Variants in FHOD1 observed in about 807,000 individuals in gnomAD.
FHOD1 encodes the protein formin homology 2 domain containing 1, also known as FH1/FH2 domain-containing protein 1.
A neutral mutation model predicts 111.6 loss-of-function variants in FHOD1; 89 were observed. The ratio of observed to expected loss-of-function variants is 0.80; its 90% confidence interval spans 0.67 to 0.95. FHOD1 has a LOEUF of 0.95. Among genes scored for constraint, FHOD1 ranks in the 40% least tolerant of loss-of-function variants. The pLI is 0.00. For synonymous variants in FHOD1, 618 were observed against 639.0 expected (o/e 0.97, Z 0.50); for missense variants, 1,446 against 1,554.2 (o/e 0.93, Z 1.17).
rs1163185613 is a variant in FHOD1 at position 67,231,674 on chromosome 16, A to C, written c.2348T>G (p.Leu783Arg). Reference protein sequence around the residue: ...SIGGLAARLQLWAFKLDYDSM... With the variant: ...SIGGLAARLQRWAFKLDYDSM... ...GTCATAGTCCAGCTTGAAGGCCCAG[A>C]GTTGTAGACGAGCAGCGAGGCCGCC... The change falls in exon 15 of 22, where the codon CTC becomes CGC. Residue 783 changes from leucine (L) to arginine (R), a missense_variant. Physicochemically the swap from Leu to Arg is moderately radical, Grantham distance 102 (BLOSUM62 -2). Transcript: ENST00000258201. This position sits in a 1 kb window ranked among gnomAD's most constrained non-coding sequence, Gnocchi z 4.3. 2 of 1,614,118 alleles carry C rather than the reference A, an allele frequency of 1.2e-6. No individual in the cohort carries two copies. Among genetic ancestry groups the C allele is most frequent in the African/African-American group, 1.3e-5 (1 of 75,012 alleles).
intron 11 of FHOD1, chr16:67,234,726 A>C: frequency 6.5e-6 from 3 of 463,594 alleles, no homozygotes; most frequent in African/African-American, 2.0e-5. Flanking sequence ...TTAACATCTA[A>C]CTTGCAACCT....
Position 67,231,745 on chromosome 16 carries a change from T to C in FHOD1, c.2277A>G (p.Ile759Met), listed in dbSNP as rs763379100. 3 of 1,613,654 alleles carry C rather than the reference T, an allele frequency of 1.9e-6. No homozygotes were observed. The highest frequency in any genetic ancestry group is 2.5e-6 in the Non-Finnish European group (3 of 1,179,896). ...IEEAQLANPD[I>M]PLGPAENFLM... is the part of the protein sequence containing the mutation. ...GGAAGTTCTCGGCTGGGCCCAGGGG[T>C]ATGTCAGGGTTGGCCAGCTGGGCTT... The change falls in exon 15 of 22, where the codon ATA becomes ATG. Residue 759 changes from isoleucine (I) to methionine (M), a missense_variant. Ile to Met is a conservative substitution (Grantham distance 10). Around this residue, in one of 3 missense-constraint regions of FHOD1, gnomAD observed 1,085 missense variants for 1,108.8 expected, o/e 0.98. Coordinates refer to ENST00000258201, the MANE Select transcript of FHOD1 (RefSeq NM_013241.3). This position sits in a 1 kb window ranked among gnomAD's most constrained non-coding sequence, Gnocchi z 4.3.
Position 67,238,278 on chromosome 16 carries a change from C to T in FHOD1, c.471G>A (p.Val157=). 1 of 1,614,178 alleles carries T rather than the reference C, an allele frequency of 6.2e-7. No individual in the cohort carries two copies. Among genetic ancestry groups the T allele is most frequent in the South Asian group, 1.1e-5 (1 of 91,080 alleles). Residue 157 remains valine, a synonymous_variant, in exon 5 of 22, where the codon GTG becomes GTA. Transcript: ENST00000258201. The surrounding 1 kb of genome is among the most constrained non-coding windows in gnomAD (Gnocchi z 4.2). ...QEDKDLVPEF[V]HSEGLSCLIR... The stretch of plus-strand genomic sequence containing the variant: ...TCAGGCAGCTCAGCCCCTCTGAATG[C>T]ACAAATTCAGGCACCAGGTCTTTGT...
chr16:67,233,027 G>A (rs1468143829), intron 13 of FHOD1, among the ~76,000 whole-genome samples: 2 of 151,900 alleles, frequency 1.3e-5, no homozygotes. Flanking sequence ...AAAGTGCTGG[G>A]ATTACAGGGG....
In FHOD1 at chr16:67,231,360, C is replaced by T; in HGVS notation, c.2506-11G>A. 1 of 1,614,128 alleles carries T rather than the reference C, an allele frequency of 6.2e-7. No individual in the cohort carries two copies. Among genetic ancestry groups the T allele is most frequent in the Non-Finnish European group, 8.5e-7 (1 of 1,180,008 alleles). ...CTCAAAGCCGCTGCTCTGAAAGGAC[C>T]CTTTCTGAGCCTGGGCCTGGTTGGC... On this transcript the variant is annotated splice_polypyrimidine_tract_variant and intron_variant, in intron 16 of 21. Coordinates refer to ENST00000258201, the MANE Select transcript of FHOD1 (RefSeq NM_013241.3). This position sits in a 1 kb window ranked among gnomAD's most constrained non-coding sequence, Gnocchi z 4.3.
intron 1 of FHOD1, among the ~76,000 whole-genome samples, chr16:67,245,815 C>G (rs2034799753): frequency 6.6e-6 from 1 of 151,894 alleles, no homozygotes; most frequent in South Asian, 2.1e-4. Flanking sequence ...GAGAGGAATA[C>G]AATATATTCT....
Position 67,234,099 on chromosome 16 carries a change from C to A in FHOD1, c.1604G>T (p.Arg535Leu). 1 of 1,598,414 alleles carries A rather than the reference C, an allele frequency of 6.3e-7. No individual in the cohort carries two copies. The highest frequency in any genetic ancestry group is 8.5e-7 in the Non-Finnish European group (1 of 1,169,740). The change falls in exon 13 of 22, where the codon CGT (arginine) becomes CTT (leucine). Residue 535 changes from arginine to leucine, a missense_variant. Arg to Leu is a moderately radical substitution (Grantham distance 102, BLOSUM62 -2). This residue lies in a region of FHOD1 where 1,085 missense variants were observed against 1,108.8 expected (regional missense o/e 0.98). Transcript: ENST00000258201. Reference protein sequence around the residue: ...KAEPIWELPTRAPRLSIGDLD... With the variant: ...KAEPIWELPTLAPRLSIGDLD... Reference sequence around the variant, plus strand: ...GTCCCCAATAGAGAGCCTGGGTGCACGGGTAGGGAGCTCCCAGATGGGCTC... The same window carrying A: ...GTCCCCAATAGAGAGCCTGGGTGCAAGGGTAGGGAGCTCCCAGATGGGCTC...
rs1435580925 is a variant in FHOD1, at chr16:67,236,828, T to C, written c.1143-95A>G. 16 of 1,133,796 alleles carry C rather than the reference T, an allele frequency of 1.4e-5. No homozygotes were observed. In the African/African-American group the frequency reaches 3.3e-4, roughly 23 times the overall value. The allele number at this position is 1,133,796 out of a possible 1,614,324, so 70.2% of individuals were successfully genotyped here. ...CCTGCGGGGCGGGAGGTGGGGCATG[T>C]CGGTAGGGCAGGCCCAGTGGAGGAG... is the stretch of plus-strand genomic sequence containing the variant. On this transcript the variant is annotated intron_variant, in intron 10 of 21. Coordinates refer to ENST00000258201, the MANE Select transcript of FHOD1 (RefSeq NM_013241.3).
rs1177575362 is a variant in FHOD1 at position 67,229,456 on chromosome 16, A to G, written c.*180T>C. On this transcript the variant is annotated 3_prime_UTR_variant, in exon 22 of 22. Transcript: ENST00000258201. ...GGAGCTCACACACATGCACATGCAT[A>G]TGCATGCACACACACACATACACAC... 10 of 629,394 alleles carry G rather than the reference A, an allele frequency of 1.6e-5. No homozygotes were observed. The Admixed American group carries it at 2.3e-4, about 14-fold the overall frequency. The allele number at this position is 629,394 out of a possible 1,614,324, so 39.0% of individuals were successfully genotyped here. A position where few individuals can be genotyped will look rare whatever the true frequency, so the allele number is the denominator to read the frequency against.
intron 1 of FHOD1, among the ~76,000 whole-genome samples, chr16:67,245,847 A>G (rs1020821018): frequency 5.9e-5 from 9 of 152,050 alleles, no homozygotes; most frequent in African/African-American, 1.9e-4. Flanking sequence ...CCCTTATTTC[A>G]GGATCCGGAC....
chr16:67,238,659 C>G lies in FHOD1; in HGVS notation c.374-212G>C. The G allele has an allele frequency of 1.5e-6, 1 of 663,388 alleles. No homozygotes were observed. Among genetic ancestry groups the G allele is most frequent in the Non-Finnish European group, 2.7e-6 (1 of 375,484 alleles). 41.1% of individuals were successfully genotyped at this position (663,388 alleles called of 1,614,324 possible). On this transcript the variant is annotated intron_variant, in intron 3 of 21. Transcript: ENST00000258201. The surrounding 1 kb of genome is among the most constrained non-coding windows in gnomAD (Gnocchi z 4.2). Reference sequence around the variant, plus strand: ...CTCAAACTCCTAGCCTCAAGCAATTCTCCCACCTTGACCTCTCAAAGCACT... The same window carrying G: ...CTCAAACTCCTAGCCTCAAGCAATTGTCCCACCTTGACCTCTCAAAGCACT...
chr16:67,239,012 G>A (rs761808932), intron 2 of FHOD1, 45 bp from the exon 3 acceptor site: 93 of 1,594,888 alleles, frequency 5.8e-5, no homozygotes, highest in Non-Finnish European at 7.7e-5. Context: ...CTATCCCTCA[G>A]CATTCCTCCC....
intron 1 of FHOD1, among the ~76,000 whole-genome samples, chr16:67,245,238 A>C (rs1427580093): frequency 6.6e-6 from 1 of 152,182 alleles, no homozygotes; most frequent in East Asian, 1.9e-4. Context: ...GAGAACATGA[A>C]ATCGGGGAGA....
chr16:67,237,859 C>A lies in FHOD1; in HGVS notation c.643-91G>T. The A allele has an allele frequency of 7.2e-7, 1 of 1,393,550 alleles. No homozygotes were observed. The highest frequency in any genetic ancestry group is 1.4e-5 in the African/African-American group (1 of 70,516). The allele number at this position is 1,393,550 out of a possible 1,614,324, so 86.3% of individuals were successfully genotyped here. On this transcript the variant is annotated intron_variant, in intron 6 of 21. Coordinates refer to ENST00000258201, the MANE Select transcript of FHOD1 (RefSeq NM_013241.3). This position sits in a 1 kb window ranked among gnomAD's most constrained non-coding sequence, Gnocchi z 5.6. ...AAGGGGAAGGGCTGCTGGGGCTGGA[C>A]CCAGAGAGAATCTAGGCAGAATGAC... is the stretch of plus-strand genomic sequence containing the variant.
chr16:67,232,945 CG>C (rs1567385798), intron 13 of FHOD1, among the ~76,000 whole-genome samples: 4 of 151,536 alleles, frequency 2.6e-5, no homozygotes. Flanking sequence ...TTAGTAGAGA[CG>C]GGGTTTCACC....
Position 67,229,625 on chromosome 16 carries a change from A to T in FHOD1, c.*11T>A. 1 of 1,613,136 alleles carries T rather than the reference A, an allele frequency of 6.2e-7. No individual in the cohort carries two copies. The highest frequency in any genetic ancestry group is 8.5e-7 in the Non-Finnish European group (1 of 1,179,132). On this transcript the variant is annotated 3_prime_UTR_variant, in exon 22 of 22. Transcript: ENST00000258201. Reference sequence around the variant, plus strand: ...TCCAGGGTCCAGATAGATTTCCGGGATACAGCACCTTCACACCTCCAGGCC... The same window carrying T: ...TCCAGGGTCCAGATAGATTTCCGGGTTACAGCACCTTCACACCTCCAGGCC...
chr16:67,234,285 G>T lies in FHOD1; in HGVS notation c.1436-18C>A. On this transcript the variant is annotated intron_variant, in intron 12 of 21. Transcript: ENST00000258201. ...CCGGGCATCTAAAGAAAGGGAAGGA[G>T]CTGTCAGTGCCATGCCCCCTGTGGG... is the stretch of plus-strand genomic sequence containing the variant. 6.3e-7 allele frequency: 1 copy of T among 1,583,082 alleles called. No homozygotes were observed. The highest frequency in any genetic ancestry group is 8.6e-7 in the Non-Finnish European group (1 of 1,160,956).
chr16:67,231,101 A>C lies in FHOD1; in HGVS notation c.2667+87T>G. On this transcript the variant is annotated intron_variant, in intron 17 of 21. Transcript: ENST00000258201. This position sits in a 1 kb window ranked among gnomAD's most constrained non-coding sequence, Gnocchi z 4.3. ...GGAGCAAGCCCTGGCACAGCAGCCCAAATGGGGAGAAGGGGGAGGAGCCAG... is the reference window on the plus strand; with the variant it reads ...GGAGCAAGCCCTGGCACAGCAGCCCCAATGGGGAGAAGGGGGAGGAGCCAG... 3 of 1,539,912 alleles carry C rather than the reference A, an allele frequency of 1.9e-6. No individual in the cohort carries two copies. The highest frequency in any genetic ancestry group is 2.6e-6 in the Non-Finnish European group (3 of 1,132,910).
rs1215538499 is a variant in FHOD1, at chr16:67,230,140, G to C, written c.3140C>G (p.Ala1047Gly). 5.0e-6 allele frequency: 8 copies of C among 1,614,234 alleles called. No homozygotes were observed. The highest frequency in any genetic ancestry group is 6.8e-6 in the Non-Finnish European group (8 of 1,180,032). The stretch of plus-strand genomic sequence containing the variant: ...ACTCTTCATACTAGCATGACTGTCA[G>C]CATCTCCCCGGCCTGGCCCGCTGCT... ...AVSSGPGRGD[A>G]DSHASMKSLL... is the part of the protein sequence containing the mutation. The change falls in exon 20 of 22, where the codon GCT becomes GGT. Residue 1047 changes from alanine (A) to glycine (G), a missense_variant. Coordinates refer to ENST00000258201, the MANE Select transcript of FHOD1 (RefSeq NM_013241.3).
Sources: gnomAD v4.1 joint callset for allele counts (sites outside exome capture counted in the v4.1 genomes callset) on GRCh38, gnomAD v4.1.1 for gene constraint, gnomAD v4.1.1 regional missense constraint, Gnocchi (gnomAD v3.1) non-coding constraint, MANE v1.5 for transcripts, NCBI Gene and HGNC (gene_info 2026-07-23, HGNC 2026-07-21) for gene names.